Variants in MEGF11 observed in about 807,000 individuals in gnomAD.
The protein encoded by MEGF11 is multiple epidermal growth factor-like domains protein 11.
Under a neutral mutation model 146.6 loss-of-function variants are expected in MEGF11, and 126 were observed. The ratio of observed to expected loss-of-function variants is 0.86; its 90% CI spans 0.74 to 1.00. The LOEUF (loss-of-function observed/expected upper bound fraction) is 1.00. MEGF11 is among the 50% of genes least tolerant of loss of function. The pLI is 0.00. For missense variants in MEGF11, 1,509 were observed against 1,521.2 expected (o/e 0.99, Z 0.13); for synonymous variants, 532 against 583.4 (o/e 0.91, Z 1.27).
intron 5 of MEGF11, among the ~76,000 whole-genome samples, chr15:66,024,277 C>G (rs755965149): frequency 2.0e-5 from 3 of 152,246 alleles, no homozygotes; most frequent in Non-Finnish European, 4.4e-5. Context: ...GGCAGCGCCA[C>G]CAGCTCCAGA....
At position 66,130,730 on chromosome 15, in the gene MEGF11, G is replaced by GAGGA. The variant is rs137881134; in HGVS notation, c.-8-2323_-8-2320dup. On this transcript the variant is annotated intron_variant, in intron 1 of 25. Coordinates refer to ENST00000395614, the MANE Select transcript of MEGF11 (RefSeq NM_001385028.1). ...AAGGAAAGAAAAAGAAAGAGGGAGG[G>GAGGA]AGGAAGGAAGGAAGGAAGGAAGGAA... 6.9e-3 allele frequency among the ~76,000 whole-genome samples: 980 copies of GAGGA among 141,082 alleles called. 14 individuals carry two copies. The highest frequency in any genetic ancestry group is 0.022 in the African/African-American group (844 of 38,340). The allele number at this position is 141,082 out of a possible 152,430, so 92.6% of individuals were successfully genotyped here. A position where few individuals can be genotyped will look rare whatever the true frequency, so the allele number is the denominator to read the frequency against.
At chr15:66,139,587 A>T (rs2089048964) in intron 1 of MEGF11, among the ~76,000 whole-genome samples, 1 of 149,246 alleles carries the variant, frequency 6.7e-6, no homozygotes, top group Non-Finnish European at 1.5e-5. Context: ...ATGAAACATC[A>T]TATTTTTAGA....
intron 1 of MEGF11, among the ~76,000 whole-genome samples, chr15:66,224,417 A>G (rs2091802401): frequency 1.3e-5 from 2 of 151,924 alleles, no homozygotes; most frequent in South Asian, 4.2e-4. Context: ...TCTACTAAAA[A>G]ACAAAGAAAC....
intron 5 of MEGF11, among the ~76,000 whole-genome samples, chr15:66,018,364 G>T (rs574906921): frequency 6.6e-6 from 1 of 152,332 alleles, no homozygotes; most frequent in African/African-American, 2.4e-5. Flanking sequence ...CCTGTGGCTG[G>T]GCTCCTTCCT....
intron 10 of MEGF11, among the ~76,000 whole-genome samples, chr15:65,945,542 C>T (rs897936076): frequency 3.9e-5 from 6 of 152,138 alleles, no homozygotes; most frequent in African/African-American, 1.4e-4. Context: ...CTTGCCACGC[C>T]AGTTTATTTA....
At chr15:66,060,708 G>T (rs1049856323) in intron 5 of MEGF11, among the ~76,000 whole-genome samples, 1 of 152,216 alleles carries the variant, frequency 6.6e-6, no homozygotes, top group Non-Finnish European at 1.5e-5. Context: ...TAGACTGTGA[G>T]CTCCTGAGGA....
intron 5 of MEGF11, among the ~76,000 whole-genome samples, chr15:66,090,386 A>C (rs1396985661): frequency 6.6e-6 from 1 of 152,250 alleles, no homozygotes; most frequent in Non-Finnish European, 1.5e-5. Context: ...ACAATCCAAA[A>C]ATCCCTAAAA....
chr15:66,039,413 G>A lies in MEGF11; in HGVS notation c.394+54989C>T, dbSNP rs998501116. 2.6e-5 allele frequency among the ~76,000 whole-genome samples: 4 copies of A among 152,298 alleles called. No individual in the cohort carries two copies. The South Asian group carries it at 6.2e-4, about 24-fold the overall frequency. On this transcript the variant is annotated intron_variant, in intron 5 of 25. Coordinates refer to ENST00000395614, the MANE Select transcript of MEGF11 (RefSeq NM_001385028.1). ...CCTGGGGACCACGTCTCCTGCCTAC[G>A]GGAAGAGGGAAGAGAGTGGATATGT... is the stretch of plus-strand genomic sequence containing the variant.
At chr15:66,241,723 C>A (rs1276719427) in intron 1 of MEGF11, among the ~76,000 whole-genome samples, 1 of 152,124 alleles carries the variant, frequency 6.6e-6, no homozygotes, top group Non-Finnish European at 1.5e-5. Flanking sequence ...CCCTGCAATA[C>A]ACACACACAT....
At chr15:66,221,615 C>CTCTTTTTTTTTTTTTTTTTTTTTTTT (rs2091739742) in intron 1 of MEGF11, among the ~76,000 whole-genome samples, 1 of 149,670 alleles carries the variant, frequency 6.7e-6, no homozygotes, top group Non-Finnish European at 1.5e-5. Flanking sequence ...ACAGACCTCT[C>CTCTTTTTTTTTTTTTTTTTTTTTTTT]TTTATTTGAG....
chr15:66,217,983 G>A (rs548750588), intron 1 of MEGF11, among the ~76,000 whole-genome samples: 1 of 152,176 alleles, frequency 6.6e-6, no homozygotes, highest in East Asian at 1.9e-4. Flanking sequence ...TAACTTGCTG[G>A]GTGATCTCTC....
intron 1 of MEGF11, among the ~76,000 whole-genome samples, chr15:66,221,114 T>TA (rs1262194439): frequency 4.6e-5 from 7 of 151,854 alleles, no homozygotes; most frequent in East Asian, 1.9e-4. Flanking sequence ...ATTTCAAATT[T>TA]AAAAAAAAAT....
intron 1 of MEGF11, among the ~76,000 whole-genome samples, chr15:66,153,687 A>G (rs2089650151): frequency 6.6e-6 from 1 of 152,200 alleles, no homozygotes; most frequent in African/African-American, 2.4e-5. Flanking sequence ...AGGTGCGCCC[A>G]GACACAGAGA....
At chr15:66,127,081 C>A (rs1247727584) in intron 2 of MEGF11, among the ~76,000 whole-genome samples, 1 of 152,132 alleles carries the variant, frequency 6.6e-6, no homozygotes, top group African/African-American at 2.4e-5. Flanking sequence ...CTCCAATGAG[C>A]CTGTGAGGCA....
intron 5 of MEGF11, among the ~76,000 whole-genome samples, chr15:66,028,510 CTCAT>C (rs1317523123): frequency 6.6e-6 from 1 of 152,176 alleles, no homozygotes; most frequent in Non-Finnish European, 1.5e-5. Flanking sequence ...TCATAAAATG[CTCAT>C]TCACTTTGAC....
At chr15:66,192,143 A>C (rs900875845) in intron 1 of MEGF11, among the ~76,000 whole-genome samples, 2 of 151,872 alleles carry the variant, frequency 1.3e-5, no homozygotes, top group Non-Finnish European at 2.9e-5. Context: ...ACAAATATCG[A>C]GGGCTTACTC....
chr15:66,080,052 G>GGAGACAGAGGCTGGGGGAT (rs2085781744), intron 5 of MEGF11, among the ~76,000 whole-genome samples: 1 of 152,234 alleles, frequency 6.6e-6, no homozygotes, highest in African/African-American at 2.4e-5. Context: ...TCAAAGAGAA[G>GGAGACAGAGGCTGGGGGAT]GAGACAGAGG....
intron 5 of MEGF11, among the ~76,000 whole-genome samples, chr15:66,087,992 A>G (rs1370982509): frequency 6.6e-6 from 1 of 152,244 alleles, no homozygotes; most frequent in Non-Finnish European, 1.5e-5. Context: ...AACAGGAGAT[A>G]TTACAACTGA....
intron 24 of MEGF11, chr15:65,905,305 A>T (rs1323359630): frequency 6.6e-6 from 1 of 152,244 alleles, no homozygotes; most frequent in East Asian, 1.9e-4. Flanking sequence ...GTTACTCATG[A>T]TAACCTTGTT....
Sources: gnomAD v4.1 joint callset for allele counts (sites outside exome capture counted in the v4.1 genomes callset) on GRCh38, gnomAD v4.1.1 for gene constraint, MANE v1.5 for transcripts, NCBI Gene and HGNC (gene_info 2026-07-23, HGNC 2026-07-21) for gene names.